The following CFAP47 variants were observed in gnomAD, a reference collection of about 807,000 sequenced individuals.
CFAP47 encodes the protein cilia- and flagella-associated protein 47.
Under a neutral mutation model 148.1 loss-of-function variants are expected in CFAP47, and 29 were observed. The observed-to-expected ratio is 0.20, with a 90% CI of 0.15 to 0.27. The LOEUF (loss-of-function observed/expected upper bound fraction) is 0.27. Ranked by LOEUF, CFAP47 falls within the 10% of genes least tolerant of loss-of-function variation. The pLI, the probability that CFAP47 is intolerant of heterozygous loss-of-function variation, is 1.00. For synonymous variants in CFAP47, 664 were observed against 577.3 expected, an observed-to-expected ratio of 1.15 and a Z score of -2.15; for missense variants, 1,872 against 1,697.5, an observed-to-expected ratio of 1.10 and a Z score of -1.81.
At chrX:36,139,869 C>A (rs1390104361) in intron 35 of CFAP47, among the ~76,000 whole-genome samples, 1 of 110,794 alleles carries the variant, frequency 9.0e-6, no homozygotes, top group Non-Finnish European at 1.9e-5. Context: ...TTGTACCATT[C>A]CTGACATTTG....
intron 19 of CFAP47, among the ~76,000 whole-genome samples, chrX:36,000,032 T>C (rs1936895836): frequency 2.7e-5 from 3 of 110,960 alleles, no homozygotes; most frequent in Admixed American, 1.9e-4. Context: ...TGAAAAGTGA[T>C]GATTTACTAA....
In CFAP47 at chrX:36,231,629, G is replaced by T. The variant is rs781923747; in HGVS notation, c.7014+2805G>T. On this transcript the variant is annotated intron_variant, in intron 46 of 63. Transcript: ENST00000378653. ...TTCCTTCTCCTGCCTGACTGCCCTG[G>T]CCAGAACTTCCATCACTATGTTGAA... Among the ~76,000 whole-genome samples the T allele has an allele frequency of 2.7e-5, 3 of 110,819 alleles. No individual in the cohort carries two copies. The South Asian group carries it at 1.2e-3, about 43-fold the overall frequency.
chrX:36,288,220 G>C (rs1452507685), intron 51 of CFAP47, among the ~76,000 whole-genome samples: 1 of 112,033 alleles, frequency 8.9e-6, no homozygotes, highest in Non-Finnish European at 1.9e-5. Context: ...CTTGCTGCAG[G>C]TTCCAAAACC....
At chrX:36,126,570 T>C (rs1938842638) in intron 33 of CFAP47, among the ~76,000 whole-genome samples, 1 of 111,997 alleles carries the variant, frequency 8.9e-6, no homozygotes, top group African/African-American at 3.3e-5. Context: ...TGTGCATGTG[T>C]CTTTATAGTA....
At chrX:36,097,027 C>T (rs933544838) in intron 30 of CFAP47, among the ~76,000 whole-genome samples, 11 of 110,712 alleles carry the variant, frequency 9.9e-5, no homozygotes, top group Non-Finnish European at 1.7e-4. Flanking sequence ...TACCATGAGG[C>T]TTGCAAATAG....
chrX:36,350,181 G>A (rs1016835545), intron 59 of CFAP47, 49 bp downstream of exon 59: 1 of 811,669 alleles, frequency 1.2e-6, no homozygotes, highest in African/African-American at 2.1e-5. Flanking sequence ...AGAGACCTTA[G>A]ATATTCTCTA....
At chrX:36,268,387 T>G (rs1053170440) in intron 49 of CFAP47, among the ~76,000 whole-genome samples, 3 of 112,765 alleles carry the variant, frequency 2.7e-5, no homozygotes, top group Admixed American at 1.9e-4. Context: ...AGGAAAGACA[T>G]TCCTGCAACT....
chrX:35,929,018 G>C (rs750022147), intron 2 of CFAP47, among the ~76,000 whole-genome samples: 3 of 110,532 alleles, frequency 2.7e-5, no homozygotes, highest in Non-Finnish European at 5.7e-5. Context: ...GTATCCATAC[G>C]TTTGCCAACA....
chrX:36,236,364 A>G (rs1940466038), intron 47 of CFAP47, among the ~76,000 whole-genome samples: 1 of 112,337 alleles, frequency 8.9e-6, no homozygotes, highest in African/African-American at 3.2e-5. Context: ...TATTCATTAA[A>G]GAAATTGGTG....
chrX:35,962,926 G>GGT (rs59734260), intron 8 of CFAP47, among the ~76,000 whole-genome samples: 6,477 of 90,615 alleles, frequency 0.071, 232 homozygotes, highest in African/African-American at 0.11. Flanking sequence ...AATAAAATGT[G>GGT]GTGTGTGTGT....
chrX:35,926,893 G>A (rs1008679199), intron 2 of CFAP47, among the ~76,000 whole-genome samples: 8 of 110,225 alleles, frequency 7.3e-5, no homozygotes, highest in Non-Finnish European at 1.5e-4. Context: ...ATCCTAGCAC[G>A]TAGCACTTTG....
intron 51 of CFAP47, among the ~76,000 whole-genome samples, chrX:36,292,273 G>C (rs1191428967): frequency 3.6e-5 from 4 of 111,423 alleles, no homozygotes; most frequent in Admixed American, 9.6e-5. Flanking sequence ...AATGACGATG[G>C]TGTTTCTAAA....
intron 24 of CFAP47, among the ~76,000 whole-genome samples, chrX:36,037,508 G>A (rs573682510): frequency 8.1e-5 from 9 of 110,757 alleles, no homozygotes; most frequent in Non-Finnish European, 1.7e-4. Flanking sequence ...GACTAGAGGC[G>A]CACTCCACCA....
At chrX:36,052,309 A>G (rs1181492483) in intron 26 of CFAP47, among the ~76,000 whole-genome samples, 1 of 112,264 alleles carries the variant, frequency 8.9e-6, no homozygotes, top group Non-Finnish European at 1.9e-5. Context: ...TTTTCTTAAA[A>G]ATAACTAACC....
intron 13 of CFAP47, 26 bp downstream of exon 13, chrX:35,971,991 A>T (rs375423721): frequency 1.1e-6 from 1 of 873,397 alleles, no homozygotes; most frequent in Non-Finnish European, 1.6e-6. Context: ...AACCTACTAC[A>T]GCCTTTATTT....
chrX:36,380,328 T>G (rs1275381281), intron 63 of CFAP47, among the ~76,000 whole-genome samples: 1 of 113,050 alleles, frequency 8.8e-6, no homozygotes, highest in African/African-American at 3.2e-5. Flanking sequence ...TATTGAATAT[T>G]GTTTGAGGAA....
chrX:35,982,021 G>T (rs1303485593), intron 15 of CFAP47, among the ~76,000 whole-genome samples: 1 of 111,678 alleles, frequency 9.0e-6, no homozygotes, highest in Non-Finnish European at 1.9e-5. Context: ...TATTCCTTTG[G>T]CTATATACCC....
chrX:36,375,812 T>C (rs1269569913), intron 62 of CFAP47, among the ~76,000 whole-genome samples: 2 of 112,226 alleles, frequency 1.8e-5, no homozygotes, highest in Non-Finnish European at 3.8e-5. Context: ...TCTGTAGTGT[T>C]CTAAGTGTGG....
rs1389536414 is a variant in CFAP47 at position 36,332,813 on chromosome X, T to C, written c.8443+13506T>C. ...ATGATACAATTATTTTGCAACCGAG[T>C]ACTCAATTCCTGGGTACATTAGCAA... On this transcript the variant is annotated intron_variant, in intron 57 of 63. Coordinates refer to ENST00000378653, the MANE Select transcript of CFAP47 (RefSeq NM_001304548.2). Among the ~76,000 whole-genome samples the C allele has an allele frequency of 3.6e-5, 4 of 112,160 alleles. No individual in the cohort carries two copies. In the Admixed American group the frequency reaches 3.8e-4, roughly 11 times the overall value.
Sources: allele counts gnomAD v4.1 joint callset (sites outside exome capture counted in the v4.1 genomes callset), GRCh38; gene constraint gnomAD v4.1.1; transcripts MANE v1.5; gene names NCBI Gene and HGNC (gene_info 2026-07-23, HGNC 2026-07-21).